Variants in SCARB2 observed in about 807,000 individuals in gnomAD.
SCARB2 encodes the protein lysosome membrane protein 2.
In SCARB2, 29 loss-of-function variants were observed where a neutral mutation model predicts 58.6. The observed-to-expected ratio is 0.49, with a 90% CI of 0.37 to 0.67. SCARB2 has a LOEUF of 0.67. Among genes scored for constraint, SCARB2 ranks in the 30% least tolerant of loss-of-function variants. The probability of loss-of-function intolerance (pLI) is 0.00; values close to 1 mark genes in which losing one functional copy is unlikely to be tolerated. For synonymous variants in SCARB2, 195 were observed against 210.1 expected, an observed-to-expected ratio of 0.93 and a Z score of 0.62; for missense variants, 488 against 578.5, an observed-to-expected ratio of 0.84 and a Z score of 1.60.
intron 1 of SCARB2, among the ~76,000 whole-genome samples, chr4:76,233,492 T>C (rs1007588588): frequency 1.3e-5 from 2 of 152,204 alleles, no homozygotes; most frequent in Non-Finnish European, 2.9e-5. Context: ...ATCACAGCTT[T>C]TATCTTCCCT....
rs1434983637 is a variant in SCARB2 at position 76,213,524 on chromosome 4, T to C, written c.20A>G (p.Tyr7Cys). ...GAGCAGGGACAACGTCCCCGCCGTG[T>C]AGAAGCAGCATCGGCCCATTCTGTG... Reference protein sequence around the residue: MGRCCFYTAGTLSLLLL... With the variant: MGRCCFCTAGTLSLLLL... Residue 7 changes from tyrosine (Y) to cysteine (C), a missense_variant, in exon 1 of 12, where the codon TAC (tyrosine) becomes TGC (cysteine). Transcript: ENST00000264896. The C allele has an allele frequency of 6.2e-7, 1 of 1,610,550 alleles. No homozygotes were observed. The highest frequency in any genetic ancestry group is 8.5e-7 in the Non-Finnish European group (1 of 1,178,638).
intron 1 of SCARB2, among the ~76,000 whole-genome samples, chr4:76,199,284 G>A (rs1732780691): frequency 6.6e-6 from 1 of 152,240 alleles, no homozygotes; most frequent in South Asian, 2.1e-4. Context: ...TGAGGGTAGA[G>A]TTGCCAGATT....
At chr4:76,191,698 C>T (rs9994218) in intron 2 of SCARB2, among the ~76,000 whole-genome samples, 76,140 of 150,736 alleles carry the variant, frequency 0.51, 21,857 homozygotes, top group East Asian at 0.96. Flanking sequence ...CAGGTCTCTC[C>T]CTCTTTCTTT....
At chr4:76,194,306 GTAAGAGCAAACAC>G (rs568818990) in intron 2 of SCARB2, 51 of 152,352 alleles carry the variant, frequency 3.3e-4, no homozygotes, top group African/African-American at 1.2e-3. Context: ...CCAACTAATA[GTAAGAGCAAACAC>G]TTAAGTATCA....
At chr4:76,232,267 A>G (rs4859641) in intron 1 of SCARB2, among the ~76,000 whole-genome samples, 22,777 of 152,018 alleles carry the variant, frequency 0.15, 2,029 homozygotes, top group East Asian at 0.35. Context: ...CCATTTAGTT[A>G]ATTCTTGCTT....
chr4:76,190,950 AAGAC>A (rs1424031363), intron 2 of SCARB2, among the ~76,000 whole-genome samples: 1 of 152,222 alleles, frequency 6.6e-6, no homozygotes, highest in Non-Finnish European at 1.5e-5. Flanking sequence ...CAGGATTTCA[AAGAC>A]AGTATAAAAA....
chr4:76,203,678 C>T (rs1228503284), intron 1 of SCARB2, among the ~76,000 whole-genome samples: 2 of 152,148 alleles, frequency 1.3e-5, no homozygotes, highest in Non-Finnish European at 2.9e-5. Flanking sequence ...AACATGGAGT[C>T]GCTGGCCAGG....
chr4:76,174,062 C>T lies in SCARB2; in HGVS notation c.994+82G>A, dbSNP rs41284767. The T allele has an allele frequency of 0.16, 254,108 of 1,545,008 alleles. 24,111 individuals carry two copies. Among genetic ancestry groups the T allele is most frequent in the African/African-American group, 0.39 (28,509 of 73,164 alleles). ...CTGGGACTGTAGGTGTGCGCCACTACGCCCAGCTACATATTCTTTGTTGAA... is the reference window on the plus strand; with the variant it reads ...CTGGGACTGTAGGTGTGCGCCACTATGCCCAGCTACATATTCTTTGTTGAA... On this transcript the variant is annotated intron_variant, in intron 7 of 11. Transcript: ENST00000264896.
chr4:76,173,124 C>T (rs1442991764), intron 7 of SCARB2: 3 of 152,154 alleles, frequency 2.0e-5, no homozygotes, highest in Non-Finnish European at 2.9e-5. Context: ...GTTAAAACTA[C>T]TCTTCAAGAT....
chr4:76,200,679 AATT>A (rs1190830948), intron 1 of SCARB2, among the ~76,000 whole-genome samples: 3 of 152,196 alleles, frequency 2.0e-5, no homozygotes, highest in Non-Finnish European at 4.4e-5. Context: ...TTATGCCTGA[AATT>A]ATTTAGATCC....
At chr4:76,233,147 A>G (rs1167692027) in intron 1 of SCARB2, among the ~76,000 whole-genome samples, 1 of 152,196 alleles carries the variant, frequency 6.6e-6, no homozygotes, top group Non-Finnish European at 1.5e-5. Flanking sequence ...AGTAGTCTCA[A>G]TTACATGTTG....
intron 3 of SCARB2, chr4:76,180,052 T>G: frequency 3.0e-6 from 1 of 337,126 alleles, no homozygotes; most frequent in South Asian, 2.6e-5. Flanking sequence ...CAGAGGCTCA[T>G]TATAAACCCG....
chr4:76,188,469 T>C (rs551258885), intron 2 of SCARB2, among the ~76,000 whole-genome samples: 3 of 151,720 alleles, frequency 2.0e-5, no homozygotes, highest in South Asian at 4.2e-4. Context: ...AATGTGCCAC[T>C]GTAAATCCTG....
intron 6 of SCARB2, chr4:76,175,521 C>T (rs892438216): frequency 6.6e-6 from 3 of 453,444 alleles, no homozygotes; most frequent in Non-Finnish European, 1.2e-5. Flanking sequence ...CTTTGTTTTA[C>T]AAATAAGGAA....
At chr4:76,189,723 T>G (rs1433009418) in intron 2 of SCARB2, among the ~76,000 whole-genome samples, 3 of 152,024 alleles carry the variant, frequency 2.0e-5, no homozygotes, top group Non-Finnish European at 4.4e-5. Context: ...CTGCCTACCT[T>G]GACTTCCCAA....
chr4:76,212,242 T>C (rs1015896533), intron 1 of SCARB2, among the ~76,000 whole-genome samples: 6 of 152,212 alleles, frequency 3.9e-5, no homozygotes, highest in African/African-American at 1.4e-4. Context: ...TTGAACATGA[T>C]TGCTCAAAGG....
intron 1 of SCARB2, among the ~76,000 whole-genome samples, chr4:76,203,483 T>C (rs537900469): frequency 1.3e-5 from 2 of 152,244 alleles, no homozygotes; most frequent in African/African-American, 4.8e-5. Flanking sequence ...CAAAATAGCA[T>C]CTTCTTGTTT....
chr4:76,198,003 C>T (rs1732749852), intron 1 of SCARB2, among the ~76,000 whole-genome samples: 2 of 152,136 alleles, frequency 1.3e-5, no homozygotes, highest in Admixed American at 6.5e-5. Context: ...TTCATCTTGG[C>T]TTTCCTCTGT....
At chr4:76,187,352 C>T (rs1732508961) in intron 2 of SCARB2, among the ~76,000 whole-genome samples, 1 of 152,100 alleles carries the variant, frequency 6.6e-6, no homozygotes, top group South Asian at 2.1e-4. Flanking sequence ...CTCCAGAACC[C>T]AGATAAGCAA....
Sources: gnomAD v4.1 joint callset for allele counts (sites outside exome capture counted in the v4.1 genomes callset) on GRCh38, gnomAD v4.1.1 for gene constraint, MANE v1.5 for transcripts, NCBI Gene and HGNC (gene_info 2026-07-23, HGNC 2026-07-21) for gene names.